The following LAMA4 variants were observed in gnomAD, a reference collection of about 807,000 sequenced individuals.
LAMA4 encodes laminin subunit alpha 4, also known as laminin subunit alpha-4.
Under a neutral mutation model 207.1 loss-of-function variants are expected in LAMA4, and 127 were observed. The ratio of observed to expected loss-of-function variants is 0.61; its 90% CI spans 0.53 to 0.71. The LOEUF is 0.71. LAMA4 is among the 30% of genes least tolerant of loss of function. The probability of loss-of-function intolerance (pLI) is 0.00; values close to 1 mark genes in which losing one functional copy is unlikely to be tolerated. For missense variants in LAMA4, 2,093 were observed against 2,246.5 expected, an observed-to-expected ratio of 0.93 and a Z score of 1.38; for synonymous variants, 761 against 816.0, an observed-to-expected ratio of 0.93 and a Z score of 1.15.
chr6:112,218,958 G>A (rs1356266402), intron 2 of LAMA4: 3 of 152,240 alleles, frequency 2.0e-5, no homozygotes, highest in Non-Finnish European at 2.9e-5. Context: ...CACATGTCCT[G>A]GGTAGCTTGC....
In LAMA4 at chr6:112,148,307, T is replaced by C. The variant is rs552625719; in HGVS notation, c.2203A>G (p.Arg735Gly). ...CTGTTGGCTTCCTCGGTGATCAGTC[T>C]AGACTGCCCCAGGCGCTGCTGGGCA... Reference protein sequence around the residue: ...GDAQQRLGQSRLITEEANRTT... With the variant: ...GDAQQRLGQSGLITEEANRTT... Residue 735 changes from arginine (R) to glycine (G), a missense_variant, in exon 18 of 39, where the codon AGA becomes GGA. Physicochemically the swap from Arg to Gly is moderately radical, Grantham distance 125. Around this residue, in one of 3 missense-constraint regions of LAMA4, gnomAD observed 1,704 missense variants for 1,788.4 expected, o/e 0.95. Transcript: ENST00000230538. 15 of 1,614,196 alleles carry C rather than the reference T, an allele frequency of 9.3e-6. No individual in the cohort carries two copies. The Admixed American group carries it at 1.0e-4, about 11-fold the overall frequency.
At chr6:112,214,362 G>T (rs1784513193) in intron 3 of LAMA4, among the ~76,000 whole-genome samples, 1 of 152,036 alleles carries the variant, frequency 6.6e-6, no homozygotes, top group Non-Finnish European at 1.5e-5. Context: ...GGGATTACAG[G>T]TGTGAGCCAC....
chr6:112,171,884 A>G (rs1239838860), intron 12 of LAMA4: 2 of 152,360 alleles, frequency 1.3e-5, no homozygotes, highest in Non-Finnish European at 2.9e-5. Context: ...ATAGTACATA[A>G]CCGAATTCGT....
intron 3 of LAMA4, among the ~76,000 whole-genome samples, chr6:112,212,836 T>C (rs1784427488): frequency 1.3e-5 from 2 of 152,208 alleles, no homozygotes; most frequent in South Asian, 4.1e-4. Context: ...ATGAATATGC[T>C]GGTTTATTGA....
intron 2 of LAMA4, among the ~76,000 whole-genome samples, chr6:112,244,131 T>G (rs1554188217): frequency 1.3e-5 from 2 of 152,072 alleles, no homozygotes; most frequent in Admixed American, 1.3e-4. Flanking sequence ...AGGCAAAAAG[T>G]GAGAACCAGC....
chr6:112,179,082 C>T (rs1192735884), intron 9 of LAMA4: 2 of 152,132 alleles, frequency 1.3e-5, no homozygotes, highest in African/African-American at 4.8e-5. Flanking sequence ...ACATTGATGG[C>T]ACTTGTGTAC....
At position 112,117,451 on chromosome 6, in the gene LAMA4, C is replaced by T. The variant is rs114736898; in HGVS notation, c.4981+288G>A. ...GAGGAGCAAGGTGGCCAAAAACTGA[C>T]ATGGATCAGGCCACGGAGCAGCATA... On this transcript the variant is annotated intron_variant, in intron 35 of 38. Transcript: ENST00000230538. The surrounding 1 kb of genome is among the most constrained non-coding windows in gnomAD (Gnocchi z 4.5). Among the ~76,000 whole-genome samples, 194 of 152,246 alleles carry T rather than the reference C, an allele frequency of 1.3e-3. No individual in the cohort carries two copies. Among genetic ancestry groups the T allele is most frequent in the African/African-American group, 4.5e-3 (185 of 41,552 alleles).
intron 2 of LAMA4, among the ~76,000 whole-genome samples, chr6:112,248,999 T>C (rs1787218239): frequency 6.6e-6 from 1 of 152,224 alleles, no homozygotes; most frequent in Non-Finnish European, 1.5e-5. Flanking sequence ...CAACAAGTAT[T>C]AGTTTTTTTC....
intron 8 of LAMA4, chr6:112,187,031 A>G: frequency 5.1e-6 from 2 of 388,790 alleles, no homozygotes; most frequent in Non-Finnish European, 9.9e-6. Context: ...GAGACAGAGA[A>G]GAAGAAGGAT....
chr6:112,251,285 C>T (rs1787433041), intron 2 of LAMA4: 1 of 152,172 alleles, frequency 6.6e-6, no homozygotes, highest in African/African-American at 2.4e-5. Context: ...ATTTGTTCCC[C>T]AGCTCACATG....
chr6:112,123,517 A>G (rs782786938), intron 31 of LAMA4, among the ~76,000 whole-genome samples: 11 of 152,222 alleles, frequency 7.2e-5, no homozygotes, highest in Non-Finnish European at 1.3e-4. Context: ...GAACAGATGG[A>G]CAATAAAACC....
chr6:112,172,817 G>T lies in LAMA4; in HGVS notation c.1358-13C>A, dbSNP rs1554342435. ...GCCTGGCTCAGTACTGGGAAGAAAT[G>T]GAGATAAAGGCTCAGTGTGGCTTTC... is the stretch of plus-strand genomic sequence containing the variant. On this transcript the variant is annotated splice_polypyrimidine_tract_variant and intron_variant, in intron 11 of 38. Transcript: ENST00000230538. 1.2e-6 allele frequency: 2 copies of T among 1,610,420 alleles called. No homozygotes were observed. The highest frequency in any genetic ancestry group is 1.3e-5 in the African/African-American group (1 of 74,978).
chr6:112,150,419 G>T, intron 17 of LAMA4, 92 bp downstream of exon 17: 1 of 853,914 alleles, frequency 1.2e-6, no homozygotes, highest in Non-Finnish European at 2.0e-6. Flanking sequence ...TAAAATCATT[G>T]ACAAACAAAG....
intron 4 of LAMA4, among the ~76,000 whole-genome samples, chr6:112,204,330 GATGTTCTAA>G (rs2115013864): frequency 6.6e-6 from 1 of 152,184 alleles, no homozygotes; most frequent in African/African-American, 2.4e-5. Flanking sequence ...CATAGGGAAT[GATGTTCTAA>G]AGGTCTCATA....
chr6:112,190,292 A>G (rs1782940483), intron 6 of LAMA4, among the ~76,000 whole-genome samples: 1 of 152,186 alleles, frequency 6.6e-6, no homozygotes, highest in Admixed American at 6.5e-5. Flanking sequence ...CTTTAGCCTG[A>G]CTAGACACAG....
At position 112,142,224 on chromosome 6, in the gene LAMA4, G is replaced by A; in HGVS notation, c.2562C>T (p.Asp854=). The change falls in exon 20 of 39, where the codon GAC becomes GAT. Residue 854 remains aspartate, a synonymous_variant. Transcript: ENST00000230538. ...GGCTCAGAGACGTGAAGGCCTTTAA[G>A]TCATCCATACTGGTTCTCGAGTGCA... ...VEVHSRTSMD[D]LKAFTSLSLY... 6.2e-7 allele frequency: 1 copy of A among 1,614,118 alleles called. No individual in the cohort carries two copies. The highest frequency in any genetic ancestry group is 8.5e-7 in the Non-Finnish European group (1 of 1,179,980).
At position 112,148,374 on chromosome 6, in the gene LAMA4, A is replaced by G. The variant is rs182128869; in HGVS notation, c.2174-38T>C. The G allele has an allele frequency of 1.7e-5, 27 of 1,608,944 alleles. 1 individual carries two copies. The East Asian group carries it at 6.0e-4, about 36-fold the overall frequency. On this transcript the variant is annotated intron_variant, in intron 17 of 38. Transcript: ENST00000230538. ...CACAGGGTCATTCACTTTGCAGAGA[A>G]GCCGGATATTTGTTGGGGAACATTA...
At chr6:112,172,433 A>T in intron 12 of LAMA4, 178 bp downstream of exon 12, 2 of 629,666 alleles carry the variant, frequency 3.2e-6, no homozygotes, top group East Asian at 5.7e-5. Context: ...CCTAGTTTCA[A>T]CTTGATTTTA....
In LAMA4 at chr6:112,163,641, G is replaced by C. The variant is rs151172768; in HGVS notation, c.1668+1519C>G. Among the ~76,000 whole-genome samples the C allele has an allele frequency of 3.3e-5, 5 of 152,294 alleles. No individual in the cohort carries two copies. In the East Asian group the frequency reaches 9.7e-4, roughly 29 times the overall value. On this transcript the variant is annotated intron_variant, in intron 13 of 38. Coordinates refer to ENST00000230538, the MANE Select transcript of LAMA4 (RefSeq NM_001105206.3). ...CCTTCAGAAACGGCCGAGTATAGGG[G>C]ACAGTGGGAGTCTGGGAGGTAGAAA...
Sources: allele counts gnomAD v4.1 joint callset (sites outside exome capture counted in the v4.1 genomes callset), GRCh38; gene constraint gnomAD v4.1.1; regional missense constraint gnomAD v4.1.1; non-coding constraint Gnocchi (gnomAD v3.1); transcripts MANE v1.5; gene names NCBI Gene and HGNC (gene_info 2026-07-23, HGNC 2026-07-21).